KAZN: variants seen among roughly 807,000 people sequenced by gnomAD.
The protein encoded by KAZN is kazrin, periplakin interacting protein, also known as kazrin.
KAZN carries 40 observed loss-of-function variants against 87.4 expected under a neutral mutation model. The observed-to-expected ratio is 0.46, with a 90% CI of 0.36 to 0.60. KAZN has a LOEUF of 0.60. Ranked by LOEUF, KAZN falls within the 20% of genes least tolerant of loss-of-function variation. The pLI is 0.00. For missense variants in KAZN, 898 were observed against 1,073.9 expected, an observed-to-expected ratio of 0.84 and a Z score of 2.29; for synonymous variants, 466 against 458.3, an observed-to-expected ratio of 1.02 and a Z score of -0.22.
intron 1 of KAZN, among the ~76,000 whole-genome samples, chr1:13,954,818 T>G (rs1261297679): frequency 3.9e-5 from 6 of 152,228 alleles, no homozygotes; most frequent in African/African-American, 1.4e-4. Flanking sequence ...GGGGTTGGAC[T>G]TTTTTCTTTT....
At chr1:15,091,264 TATA>T (rs1640521557) in intron 8 of KAZN, among the ~76,000 whole-genome samples, 1 of 152,254 alleles carries the variant, frequency 6.6e-6, no homozygotes, top group African/African-American at 2.4e-5. Context: ...CACACGTGTA[TATA>T]ATAATTATAC....
At chr1:14,998,949 A>T (rs1253816859) in intron 2 of KAZN, among the ~76,000 whole-genome samples, 1 of 152,228 alleles carries the variant, frequency 6.6e-6, no homozygotes, top group Non-Finnish European at 1.5e-5. Flanking sequence ...GCTCAAGGAC[A>T]TGCACTGCCA....
intron 1 of KAZN, among the ~76,000 whole-genome samples, chr1:13,911,404 C>T (rs1639647447): frequency 6.6e-6 from 1 of 152,078 alleles, no homozygotes; most frequent in Non-Finnish European, 1.5e-5. Context: ...CTTTCGGGAT[C>T]CTGAAGTCAG....
At chr1:14,347,984 C>G (rs992766061) in intron 2 of KAZN, among the ~76,000 whole-genome samples, 4 of 150,618 alleles carry the variant, frequency 2.7e-5, no homozygotes, top group Non-Finnish European at 5.9e-5. Flanking sequence ...CTCCCAGGCT[C>G]GAGTGATCCT....
rs371949100 is a variant in KAZN, at chr1:14,306,114, G to A, written c.249+125522G>A. ...CTGTTGTGGCCCTGGGTGAGATGAAGGCAGACATCGTTAATGGAATGTGTT... is the reference window on the plus strand; with the variant it reads ...CTGTTGTGGCCCTGGGTGAGATGAAAGCAGACATCGTTAATGGAATGTGTT... On this transcript the variant is annotated intron_variant, in intron 2 of 16. Coordinates refer to the KAZN transcript ENST00000636203. Among the ~76,000 whole-genome samples, 57 of 152,300 alleles carry A rather than the reference G, an allele frequency of 3.7e-4. No homozygotes were observed. The East Asian group carries it at 0.01, about 28-fold the overall frequency.
intron 1 of KAZN, among the ~76,000 whole-genome samples, chr1:13,978,648 T>C (rs1002011527): frequency 1.3e-5 from 2 of 151,730 alleles, no homozygotes; most frequent in African/African-American, 4.8e-5. Flanking sequence ...CAGATGAAAG[T>C]GTAGAGAGAA....
chr1:14,953,857 A>T (rs1297991416), intron 1 of KAZN, among the ~76,000 whole-genome samples: 2 of 152,188 alleles, frequency 1.3e-5, no homozygotes, highest in Non-Finnish European at 2.9e-5. Flanking sequence ...TATTTTTGTA[A>T]GAGTCATTCC....
At chr1:14,442,897 C>T (rs1170483139) in intron 2 of KAZN, among the ~76,000 whole-genome samples, 1 of 152,188 alleles carries the variant, frequency 6.6e-6, no homozygotes, top group Non-Finnish European at 1.5e-5. Flanking sequence ...CCCTGCTCCC[C>T]GACACGTGGG....
At chr1:14,043,248 C>A (rs1641916242) in intron 1 of KAZN, among the ~76,000 whole-genome samples, 1 of 152,196 alleles carries the variant, frequency 6.6e-6, no homozygotes, top group Non-Finnish European at 1.5e-5. Context: ...GTCAGAATTT[C>A]CTTCCTTTTT....
chr1:14,214,230 A>C (rs992336131), intron 2 of KAZN, among the ~76,000 whole-genome samples: 2 of 26,526 alleles, frequency 7.5e-5, no homozygotes, highest in Non-Finnish European at 1.2e-4. Flanking sequence ...ACCTCACCTC[A>C]CTCCGGCTTT....
chr1:14,692,759 C>G (rs187772080), intron 1 of KAZN: 1 of 152,178 alleles, frequency 6.6e-6, no homozygotes, highest in Non-Finnish European at 1.5e-5. Flanking sequence ...ATGGAGAAAC[C>G]CTGTTTCTAC....
At chr1:14,027,864 C>G (rs549708391) in intron 1 of KAZN, among the ~76,000 whole-genome samples, 9 of 152,254 alleles carry the variant, frequency 5.9e-5, no homozygotes, top group Non-Finnish European at 1.2e-4. Flanking sequence ...CTTTGCCAGG[C>G]TGGTTTCAGG....
In KAZN at chr1:14,851,606, T is replaced by C. The variant is rs1222331269; in HGVS notation, c.227-109078T>C. Among the ~76,000 whole-genome samples the C allele has an allele frequency of 3.3e-5, 5 of 151,932 alleles. No individual in the cohort carries two copies. The East Asian group carries it at 5.8e-4, about 18-fold the overall frequency. Reference sequence around the variant, plus strand: ...CTTGAATCCTGGTCAAAGCTAGGAGTGAGGCCTTCGGGGTTACCATGCTGG... The same window carrying C: ...CTTGAATCCTGGTCAAAGCTAGGAGCGAGGCCTTCGGGGTTACCATGCTGG... On this transcript the variant is annotated intron_variant, in intron 1 of 14. Coordinates refer to ENST00000376030, the MANE Select transcript of KAZN (RefSeq NM_201628.3).
At chr1:14,691,755 G>A (rs763865531) in intron 1 of KAZN, among the ~76,000 whole-genome samples, 2 of 152,088 alleles carry the variant, frequency 1.3e-5, no homozygotes, top group Admixed American at 6.5e-5. Context: ...CCAGAGTGCC[G>A]TGATTACAGA....
chr1:14,441,262 CATAT>C (rs34569698), intron 2 of KAZN, among the ~76,000 whole-genome samples: 28 of 149,338 alleles, frequency 1.9e-4, no homozygotes, highest in Non-Finnish European at 5.9e-5. Context: ...TGAGAATACT[CATAT>C]ATATATATAT....
chr1:14,126,047 G>A lies in KAZN; in HGVS notation c.92-54388G>A, dbSNP rs149019124. Among the ~76,000 whole-genome samples the A allele has an allele frequency of 3.1e-3, 466 of 152,208 alleles. 4 individuals are homozygous for A. Among genetic ancestry groups the A allele is most frequent in the African/African-American group, 0.011 (446 of 41,518 alleles). ...AATTTAGGGTTTGTTGTAAGTGGAA[G>A]GTGTATTAAGCACTGAGGGTTTCAG... is the stretch of plus-strand genomic sequence containing the variant. On this transcript the variant is annotated intron_variant, in intron 1 of 16. Coordinates refer to the KAZN transcript ENST00000636203.
At chr1:14,000,367 C>T (rs1272329628) in intron 1 of KAZN, among the ~76,000 whole-genome samples, 1 of 152,186 alleles carries the variant, frequency 6.6e-6, no homozygotes, top group African/African-American at 2.4e-5. Flanking sequence ...TTGGCTCTAT[C>T]CCTGGGATGG....
chr1:14,908,177 C>T (rs780743713), intron 1 of KAZN, among the ~76,000 whole-genome samples: 1 of 152,108 alleles, frequency 6.6e-6, no homozygotes, highest in Non-Finnish European at 1.5e-5. Context: ...GCAGGAGGAT[C>T]GCTTGAGGCC....
At chr1:14,343,799 G>A (rs1240774468) in intron 2 of KAZN, among the ~76,000 whole-genome samples, 2 of 152,128 alleles carry the variant, frequency 1.3e-5, no homozygotes, top group African/African-American at 4.8e-5. Flanking sequence ...CCCATTTTGA[G>A]GCACTTAACA....
Sources: allele counts gnomAD v4.1 joint callset (sites outside exome capture counted in the v4.1 genomes callset), GRCh38; gene constraint gnomAD v4.1.1; transcripts MANE v1.5; gene names NCBI Gene and HGNC (gene_info 2026-07-23, HGNC 2026-07-21).